DENND5A: variants seen among roughly 807,000 people sequenced by gnomAD.
DENND5A encodes DENN domain-containing protein 5A.
A neutral mutation model predicts 140.3 loss-of-function variants in DENND5A; 64 were observed. That is an observed-to-expected ratio of 0.46 (90% CI 0.37 to 0.56). The LOEUF (loss-of-function observed/expected upper bound fraction) is 0.56. DENND5A is among the 20% of genes least tolerant of loss of function. The pLI is 0.00. For missense variants in DENND5A, 1,292 were observed against 1,593.8 expected, an observed-to-expected ratio of 0.81 and a Z score of 3.22; for synonymous variants, 605 against 607.7, an observed-to-expected ratio of 1.00 and a Z score of 0.07.
At chr11:9,176,780 C>T (rs896860321) in intron 8 of DENND5A, 2 of 405,280 alleles carry the variant, frequency 4.9e-6, no homozygotes, top group Non-Finnish European at 9.9e-6. Context: ...ACTCATAATT[C>T]ATTCACCCCT....
At chr11:9,149,054 C>T (rs1362643853) in intron 15 of DENND5A, among the ~76,000 whole-genome samples, 1 of 152,214 alleles carries the variant, frequency 6.6e-6, no homozygotes, top group African/African-American at 2.4e-5. Context: ...AAAGGGGGCA[C>T]TACATGGTAT....
At chr11:9,219,468 T>A (rs1354601574) in intron 1 of DENND5A, among the ~76,000 whole-genome samples, 1 of 151,030 alleles carries the variant, frequency 6.6e-6, no homozygotes, top group African/African-American at 2.4e-5. Context: ...AATAAGAGAG[T>A]AAAAGAAAGA....
Position 9,246,927 on chromosome 11 carries a change from T to C in DENND5A, c.109+18034A>G, listed in dbSNP as rs540710147. On this transcript the variant is annotated intron_variant, in intron 1 of 22. Coordinates refer to ENST00000328194, the MANE Select transcript of DENND5A (RefSeq NM_015213.4). ...CTCCTGCTTTCCTGAAATTTACCCA[T>C]ACCTTTAAAAACCCTTGCCTTGGCC... Among the ~76,000 whole-genome samples, 7 of 152,176 alleles carry C rather than the reference T, an allele frequency of 4.6e-5. No individual in the cohort carries two copies. In the East Asian group the frequency reaches 1.4e-3, roughly 29 times the overall value.
intron 8 of DENND5A, chr11:9,176,720 A>G: frequency 3.0e-6 from 1 of 329,048 alleles, no homozygotes; most frequent in Non-Finnish European, 6.0e-6. Flanking sequence ...GGTTTCATAG[A>G]GAAGGAAATG....
At chr11:9,218,960 C>A (rs976387603) in intron 1 of DENND5A, among the ~76,000 whole-genome samples, 1 of 151,826 alleles carries the variant, frequency 6.6e-6, no homozygotes, top group Non-Finnish European at 1.5e-5. Context: ...AAGCCAAGAT[C>A]GCGCCACTGC....
chr11:9,201,651 C>G (rs1389697030), intron 4 of DENND5A, among the ~76,000 whole-genome samples: 1 of 152,082 alleles, frequency 6.6e-6, no homozygotes, highest in Non-Finnish European at 1.5e-5. Context: ...ACCTGGGCAG[C>G]AGAGTGAGAC....
At chr11:9,167,360 C>T (rs1239862573) in intron 10 of DENND5A, among the ~76,000 whole-genome samples, 3 of 151,734 alleles carry the variant, frequency 2.0e-5, no homozygotes, top group Non-Finnish European at 4.4e-5. Flanking sequence ...CCATACCACC[C>T]TCCTCCAAAA....
intron 1 of DENND5A, among the ~76,000 whole-genome samples, chr11:9,224,052 G>A (rs1850432087): frequency 6.6e-6 from 1 of 152,154 alleles, no homozygotes; most frequent in African/African-American, 2.4e-5. Context: ...AAATTAGCCA[G>A]GTGTGGTGGC....
At chr11:9,167,426 T>C (rs1211193089) in intron 10 of DENND5A, among the ~76,000 whole-genome samples, 2 of 148,206 alleles carry the variant, frequency 1.3e-5, no homozygotes, top group Non-Finnish European at 3.0e-5. Context: ...GATCCTGCCA[T>C]GTCCTCTACT....
intron 1 of DENND5A, among the ~76,000 whole-genome samples, chr11:9,222,112 A>T (rs551709255): frequency 6.6e-6 from 1 of 152,224 alleles, no homozygotes. Flanking sequence ...TTAAGAGGAC[A>T]TGAGCTTTTT....
intron 1 of DENND5A, among the ~76,000 whole-genome samples, chr11:9,253,426 T>C (rs983128817): frequency 6.6e-6 from 1 of 152,166 alleles, no homozygotes; most frequent in Admixed American, 6.6e-5. Flanking sequence ...AATTTCAGTA[T>C]GATCCTCCCT....
intron 5 of DENND5A, 48 bp from the exon 6 acceptor site, chr11:9,181,132 C>T (rs1848716779): frequency 1.9e-6 from 3 of 1,540,846 alleles, no homozygotes; most frequent in Admixed American, 2.0e-5. Context: ...CAGAGCATTA[C>T]AGGAAGAAGT....
At chr11:9,206,881 G>A in intron 2 of DENND5A, 99 bp from the exon 3 acceptor site, 1 of 826,568 alleles carries the variant, frequency 1.2e-6, no homozygotes, top group East Asian at 2.5e-5. Context: ...GTACAGAAAT[G>A]AAGGCAAGGG....
intron 5 of DENND5A, among the ~76,000 whole-genome samples, chr11:9,189,636 T>G (rs566832315): frequency 7.2e-5 from 11 of 152,006 alleles, no homozygotes; most frequent in African/African-American, 2.4e-4. Context: ...TTTTTGGTTT[T>G]TTTGTTTGTT....
Position 9,218,499 on chromosome 11 carries a change from G to A in DENND5A, c.110-10867C>T, listed in dbSNP as rs533620319. ...CCAGCTCTTTGGGAGGCCGAGGGGA[G>A]TGGATCACTTAAGCCCAGGAGTTTG... On this transcript the variant is annotated intron_variant, in intron 1 of 22. Transcript: ENST00000328194. Among the ~76,000 whole-genome samples, 10 of 152,262 alleles carry A rather than the reference G, an allele frequency of 6.6e-5. 1 individual carries two copies. Among genetic ancestry groups the A allele is most frequent in the South Asian group, 6.2e-4 (3 of 4,822 alleles).
At chr11:9,152,056 T>C (rs1377380992) in intron 13 of DENND5A, among the ~76,000 whole-genome samples, 1 of 152,224 alleles carries the variant, frequency 6.6e-6, no homozygotes, top group Non-Finnish European at 1.5e-5. Flanking sequence ...GAAAACAGCC[T>C]GCTCCAAACC....
intron 3 of DENND5A, among the ~76,000 whole-genome samples, chr11:9,206,469 A>ATTAG (rs1200697534): frequency 6.6e-6 from 1 of 152,228 alleles, no homozygotes; most frequent in Non-Finnish European, 1.5e-5. Flanking sequence ...CAACAGAAAC[A>ATTAG]CATTATAACT....
chr11:9,152,279 T>C (rs1847642875), intron 13 of DENND5A, 79 bp downstream of exon 13: 12 of 1,063,600 alleles, frequency 1.1e-5, no homozygotes, highest in Non-Finnish European at 1.3e-5. Context: ...CCTGGAATAG[T>C]TTGCTTCAAA....
chr11:9,179,439 C>A (rs925099905), intron 6 of DENND5A, among the ~76,000 whole-genome samples: 5 of 151,752 alleles, frequency 3.3e-5, no homozygotes, highest in African/African-American at 1.2e-4. Context: ...AGGTTAAATT[C>A]TGGCTCTCTT....
Sources: gnomAD v4.1 joint callset for allele counts (sites outside exome capture counted in the v4.1 genomes callset) on GRCh38, gnomAD v4.1.1 for gene constraint, MANE v1.5 for transcripts, NCBI Gene and HGNC (gene_info 2026-07-23, HGNC 2026-07-21) for gene names.